The following ATL1 variants were observed in gnomAD, a reference collection of about 807,000 sequenced individuals.
ATL1 encodes atlastin-1.
A neutral mutation model predicts 75.5 loss-of-function variants in ATL1; 31 were observed. The observed-to-expected ratio is 0.41, with a 90% CI of 0.31 to 0.55. ATL1 has a LOEUF of 0.55. Ranked by LOEUF, ATL1 falls within the 20% of genes least tolerant of loss-of-function variation. The pLI, the probability that ATL1 is intolerant of heterozygous loss-of-function variation, is 0.27. For synonymous variants in ATL1, 226 were observed against 233.3 expected, an observed-to-expected ratio of 0.97 and a Z score of 0.28; for missense variants, 405 against 662.6, an observed-to-expected ratio of 0.61 and a Z score of 4.27.
chr14:50,591,877 C>G (rs2140205760), intron 4 of ATL1: 2 of 450,500 alleles, frequency 4.4e-6, no homozygotes, highest in East Asian at 8.1e-5. Flanking sequence ...GTCATATTAT[C>G]TTATTGGGAT....
At chr14:50,583,755 G>T (rs573499352) in intron 1 of ATL1, among the ~76,000 whole-genome samples, 1 of 152,300 alleles carries the variant, frequency 6.6e-6, no homozygotes, top group South Asian at 2.1e-4. Flanking sequence ...AGGATAGGAG[G>T]TGCTTGCCAT....
At chr14:50,550,853 G>A (rs1174417182) in intron 1 of ATL1, among the ~76,000 whole-genome samples, 3 of 152,166 alleles carry the variant, frequency 2.0e-5, no homozygotes, top group African/African-American at 7.2e-5. Flanking sequence ...TGAACTGAAT[G>A]ATAGTGACAC....
intron 6 of ATL1, among the ~76,000 whole-genome samples, chr14:50,610,212 A>G (rs1170013246): frequency 1.3e-5 from 2 of 152,106 alleles, no homozygotes; most frequent in Admixed American, 1.3e-4. Flanking sequence ...TCTTCATACT[A>G]TTTCCCTAGG....
chr14:50,533,336 AT>A (rs1280642164), exon 1 of ATL1: 1 of 151,604 alleles, frequency 6.6e-6, no homozygotes, highest in Non-Finnish European at 1.5e-5. Flanking sequence ...ATTTGGCAAC[AT>A]CTCGGTGTCC....
intron 6 of ATL1, among the ~76,000 whole-genome samples, chr14:50,607,285 C>T (rs1195675886): frequency 6.6e-6 from 1 of 151,994 alleles, no homozygotes; most frequent in African/African-American, 2.4e-5. Flanking sequence ...CTTAAAAAAA[C>T]AAAGCTAAAC....
rs150008949 is a variant in ATL1 at position 50,561,599 on chromosome 14, A to T, written c.34+1300A>T. ...AAGACCGTGTATCTCCTTGCCTCTGATTGTTCTAATGGTCACAGGATACGG... is the reference window on the plus strand; with the variant it reads ...AAGACCGTGTATCTCCTTGCCTCTGTTTGTTCTAATGGTCACAGGATACGG... On this transcript the variant is annotated intron_variant, in intron 1 of 13. Transcript: ENST00000358385. Among the ~76,000 whole-genome samples, 31 of 152,222 alleles carry T rather than the reference A, an allele frequency of 2.0e-4. No individual in the cohort carries two copies. The East Asian group carries it at 4.8e-3, about 24-fold the overall frequency.
chr14:50,599,135 T>C (rs924059067), intron 6 of ATL1, among the ~76,000 whole-genome samples: 1 of 152,170 alleles, frequency 6.6e-6, no homozygotes, highest in Non-Finnish European at 1.5e-5. Context: ...GACTTTATAA[T>C]CAAAATGAAC....
chr14:50,631,104 C>G, intron 13 of ATL1: 1 of 283,652 alleles, frequency 3.5e-6, no homozygotes, highest in Non-Finnish European at 6.9e-6. Flanking sequence ...ACTAAAAATA[C>G]AAAAAATTAG....
intron 6 of ATL1, among the ~76,000 whole-genome samples, chr14:50,598,622 G>A (rs928548765): frequency 2.0e-5 from 3 of 151,996 alleles, no homozygotes; most frequent in Non-Finnish European, 4.4e-5. Context: ...CTCGGCCTCC[G>A]AAAGTGCTGG....
intron 1 of ATL1, among the ~76,000 whole-genome samples, chr14:50,576,895 A>T (rs1388741752): frequency 6.6e-6 from 1 of 151,734 alleles, no homozygotes; most frequent in Non-Finnish European, 1.5e-5. Flanking sequence ...ATTAGCAAGG[A>T]TAATATTTAT....
Position 50,600,762 on chromosome 14 carries a change from AAAGT to A in ATL1, c.630+5134_630+5137del, listed in dbSNP as rs1470391497. On this transcript the variant is annotated intron_variant, in intron 6 of 13. Coordinates refer to ENST00000358385, the MANE Select transcript of ATL1 (RefSeq NM_015915.5). ...GGGGAAATTTTAAACATTGCCTGAG[AAAGT>A]AAGGTGAGGGATAATGAAATTTTAA... Among the ~76,000 whole-genome samples, 3 of 152,202 alleles carry A rather than the reference AAAGT, an allele frequency of 2.0e-5. No individual in the cohort carries two copies. The East Asian group carries it at 5.8e-4, about 29-fold the overall frequency.
chr14:50,630,659 GAAC>G (rs1282292090), intron 13 of ATL1, among the ~76,000 whole-genome samples: 7 of 152,170 alleles, frequency 4.6e-5, no homozygotes, highest in Non-Finnish European at 8.8e-5. Flanking sequence ...AGCTGATCTT[GAAC>G]AACTATAGAG....
chr14:50,611,865 C>A (rs2039369331), intron 6 of ATL1, among the ~76,000 whole-genome samples: 1 of 152,048 alleles, frequency 6.6e-6, no homozygotes, highest in South Asian at 2.1e-4. Context: ...CAATATCAAC[C>A]AGTCCTGAAC....
chr14:50,543,258 A>G (rs2038588998), intron 1 of ATL1, among the ~76,000 whole-genome samples: 1 of 152,262 alleles, frequency 6.6e-6, no homozygotes, highest in Non-Finnish European at 1.5e-5. Context: ...TAATCTGCTT[A>G]TAGCAGAGGC....
chr14:50,536,436 C>A (rs1595562152), intron 1 of ATL1, among the ~76,000 whole-genome samples: 4 of 107,224 alleles, frequency 3.7e-5, no homozygotes, highest in African/African-American at 9.9e-5. Context: ...AACTCTGTCT[C>A]AAAAAAAAAA....
chr14:50,616,140 C>T (rs948541435), intron 8 of ATL1, among the ~76,000 whole-genome samples: 3 of 151,972 alleles, frequency 2.0e-5, no homozygotes, highest in Non-Finnish European at 2.9e-5. Context: ...ACTAAAGGCA[C>T]GCACCACCAT....
intron 1 of ATL1, among the ~76,000 whole-genome samples, chr14:50,571,239 G>T (rs2038952575): frequency 6.6e-6 from 1 of 152,132 alleles, no homozygotes; most frequent in Admixed American, 6.6e-5. Context: ...AATTTTGGAG[G>T]ACAGGGGTTC....
intron 1 of ATL1, among the ~76,000 whole-genome samples, chr14:50,575,585 CTT>C (rs987595739): frequency 1.8e-4 from 28 of 152,066 alleles, no homozygotes; most frequent in African/African-American, 5.1e-4. Context: ...ATGTCATTCT[CTT>C]TAAGTTCTAC....
At chr14:50,632,021 C>A (rs374314713) in intron 13 of ATL1, 45 of 403,448 alleles carry the variant, frequency 1.1e-4, no homozygotes, top group East Asian at 1.1e-3. Flanking sequence ...AAAACATTCA[C>A]CACACAGGTC....
Sources: gnomAD v4.1 joint callset for allele counts (sites outside exome capture counted in the v4.1 genomes callset) on GRCh38, gnomAD v4.1.1 for gene constraint, MANE v1.5 for transcripts, NCBI Gene and HGNC (gene_info 2026-07-23, HGNC 2026-07-21) for gene names.